The following CREBRF variants were observed in gnomAD, a reference collection of about 807,000 sequenced individuals.
The protein encoded by CREBRF is CREB3 regulatory factor, also known as UPF0474 protein C5orf41.
CREBRF carries 5 observed loss-of-function variants against 66.1 expected under a neutral mutation model. The observed-to-expected ratio is 0.08, with a 90% CI of 0.04 to 0.16. The LOEUF is 0.16. CREBRF is among the 10% of genes least tolerant of loss of function. The pLI, the probability that CREBRF is intolerant of heterozygous loss-of-function variation, is 1.00. For synonymous variants in CREBRF, 229 were observed against 264.4 expected, an observed-to-expected ratio of 0.87 and a Z score of 1.30; for missense variants, 531 against 744.9, an observed-to-expected ratio of 0.71 and a Z score of 3.34.
At chr5:173,102,268 T>A (rs1016632056) in intron 4 of CREBRF, among the ~76,000 whole-genome samples, 1 of 152,232 alleles carries the variant, frequency 6.6e-6, no homozygotes, top group Non-Finnish European at 1.5e-5. Flanking sequence ...GCTAGTGTCA[T>A]TTGTCCCTGA....
At chr5:173,084,452 T>C (rs1758065034) in intron 2 of CREBRF, among the ~76,000 whole-genome samples, 1 of 152,016 alleles carries the variant, frequency 6.6e-6, no homozygotes, top group Non-Finnish European at 1.5e-5. Context: ...CAAATAATAA[T>C]AAAGTTTTAA....
intron 7 of CREBRF, among the ~76,000 whole-genome samples, chr5:173,118,341 A>G (rs913959150): frequency 1.1e-4 from 16 of 152,126 alleles, no homozygotes; most frequent in Admixed American, 2.0e-4. Flanking sequence ...AAGATCAAAC[A>G]TTTTTAATTT....
rs1047469393 is a variant in CREBRF at position 173,092,423 on chromosome 5, A to G, written c.1222+1022A>G. The G allele has an allele frequency of 7.1e-6, 7 of 985,438 alleles. No individual in the cohort carries two copies. In the South Asian group the frequency reaches 2.8e-4, roughly 40 times the overall value. 61.0% of individuals were successfully genotyped at this position (985,438 alleles called of 1,614,324 possible). On this transcript the variant is annotated intron_variant, in intron 4 of 8. Transcript: ENST00000296953. ...GGAACTGGTTCACTTTAGCATTTACATGCTTGGGCTTTTGGCGCTGTTGGC... is the reference window on the plus strand; with the variant it reads ...GGAACTGGTTCACTTTAGCATTTACGTGCTTGGGCTTTTGGCGCTGTTGGC...
chr5:173,117,579 C>CTCCTTCCT (rs1186370279), intron 7 of CREBRF, among the ~76,000 whole-genome samples: 3 of 39,634 alleles, frequency 7.6e-5, no homozygotes, highest in Non-Finnish European at 1.3e-4. Context: ...CCCTCCCTCC[C>CTCCTTCCT]TCCTTCCTTC....
chr5:173,094,514 G>A (rs901109330), intron 4 of CREBRF, among the ~76,000 whole-genome samples: 2 of 152,048 alleles, frequency 1.3e-5, no homozygotes, highest in African/African-American at 2.4e-5. Flanking sequence ...TGTGGCTTTC[G>A]TTTGTATTTC....
intron 4 of CREBRF, among the ~76,000 whole-genome samples, chr5:173,100,098 G>GTA (rs1758583874): frequency 7.7e-6 from 1 of 129,046 alleles, no homozygotes; most frequent in African/African-American, 3.2e-5. Flanking sequence ...GTGTGTGTGT[G>GTA]TGTGTGTGTG....
chr5:173,064,022 A>G (rs1274042097), intron 1 of CREBRF, among the ~76,000 whole-genome samples: 1 of 152,100 alleles, frequency 6.6e-6, no homozygotes, highest in African/African-American at 2.4e-5. Context: ...GCACTGGCCT[A>G]AAGTTTTTTT....
chr5:173,108,677 C>A lies in CREBRF; in HGVS notation c.1276C>A (p.Arg426=). 6.2e-7 allele frequency: 1 copy of A among 1,613,296 alleles called. No homozygotes were observed. The highest frequency in any genetic ancestry group is 8.5e-7 in the Non-Finnish European group (1 of 1,179,764). The change falls in exon 5 of 9, where the codon CGG becomes AGG. Residue 426 remains arginine, a synonymous_variant. Coordinates refer to ENST00000296953, the MANE Select transcript of CREBRF (RefSeq NM_153607.3). ...DLKEVTSISS[R]KRGKRRYFWE... ...GAAGGAGGTGACTTCAATATCTTCA[C>A]GGAAGAGAGGTAAAAGAAGATACTT...
At position 173,090,897 on chromosome 5, in the gene CREBRF, G is replaced by T; in HGVS notation, c.718G>T (p.Val240Leu). The T allele has an allele frequency of 6.2e-7, 1 of 1,614,148 alleles. No homozygotes were observed. The highest frequency in any genetic ancestry group is 8.5e-7 in the Non-Finnish European group (1 of 1,180,042). ...ECKDYVKKAK[V>L]KINPVQQSRP... is the part of the protein sequence containing the mutation. ...TAAAGACTATGTAAAAAAGGCAAAG[G>T]TAAAGATCAACCCAGTGCAACAGAG... The change falls in exon 4 of 9, where the codon GTA becomes TTA. Residue 240 changes from valine (V) to leucine (L), a missense_variant. Val to Leu is a conservative substitution (Grantham distance 32). Coordinates refer to ENST00000296953, the MANE Select transcript of CREBRF (RefSeq NM_153607.3). This position sits in a 1 kb window ranked among gnomAD's most constrained non-coding sequence, Gnocchi z 4.5.
intron 8 of CREBRF, among the ~76,000 whole-genome samples, chr5:173,125,578 A>G (rs545485540): frequency 1.3e-5 from 2 of 152,296 alleles, no homozygotes; most frequent in Admixed American, 6.5e-5. Context: ...ATTTAAAAAC[A>G]TGGCATCCGG....
chr5:173,083,341 T>C (rs1367672084), intron 2 of CREBRF, among the ~76,000 whole-genome samples: 11 of 152,230 alleles, frequency 7.2e-5, no homozygotes, highest in Admixed American at 6.5e-4. Flanking sequence ...GACTTGACTC[T>C]GGCGGGATTT....
chr5:173,070,965 T>C (rs1254738165), intron 1 of CREBRF, among the ~76,000 whole-genome samples: 1 of 152,074 alleles, frequency 6.6e-6, no homozygotes, highest in Non-Finnish European at 1.5e-5. Context: ...TGTAGTGAAA[T>C]AGATGTGAGA....
At chr5:173,112,156 C>A in intron 6 of CREBRF, 150 bp from the exon 7 acceptor site, 1 of 464,388 alleles carries the variant, frequency 2.2e-6, no homozygotes, top group South Asian at 5.1e-5. Context: ...ATAATCCCAG[C>A]ACTTTAGGAG....
At chr5:173,101,349 G>A (rs1758623459) in intron 4 of CREBRF, among the ~76,000 whole-genome samples, 1 of 152,052 alleles carries the variant, frequency 6.6e-6, no homozygotes, top group African/African-American at 2.4e-5. Flanking sequence ...GAGCCACCAT[G>A]CCCAGCCCAG....
At chr5:173,100,207 C>T (rs1758593714) in intron 4 of CREBRF, among the ~76,000 whole-genome samples, 1 of 145,364 alleles carries the variant, frequency 6.9e-6, no homozygotes, top group South Asian at 2.2e-4. Flanking sequence ...AACTCTTGAC[C>T]TCAAGTGATC....
chr5:173,082,112 C>T (rs927326743), intron 2 of CREBRF, among the ~76,000 whole-genome samples: 31 of 141,888 alleles, frequency 2.2e-4, no homozygotes, highest in Middle Eastern at 3.8e-3. Flanking sequence ...CTCCCGGGTT[C>T]ACGCCATTCT....
chr5:173,090,303 A>C lies in CREBRF; in HGVS notation c.136-12A>C, dbSNP rs1758289299. On this transcript the variant is annotated splice_polypyrimidine_tract_variant and intron_variant, in intron 3 of 8. Transcript: ENST00000296953. The surrounding 1 kb of genome is among the most constrained non-coding windows in gnomAD (Gnocchi z 4.5). ...ATATGATGTGCAATTTCTTTTTTAAAACCTTTCTCAGGATAGAGAGATGAA... is the reference window on the plus strand; with the variant it reads ...ATATGATGTGCAATTTCTTTTTTAACACCTTTCTCAGGATAGAGAGATGAA... 6.4e-7 allele frequency: 1 copy of C among 1,561,890 alleles called. No homozygotes were observed. The highest frequency in any genetic ancestry group is 8.7e-7 in the Non-Finnish European group (1 of 1,149,116).
At chr5:173,127,753 T>C (rs1375221552) in intron 8 of CREBRF, among the ~76,000 whole-genome samples, 6 of 152,178 alleles carry the variant, frequency 3.9e-5, no homozygotes, top group Non-Finnish European at 7.3e-5. Context: ...CCACTGCGCC[T>C]GGCCTGAGTT....
chr5:173,114,364 T>A (rs1359174289), intron 7 of CREBRF, among the ~76,000 whole-genome samples: 1 of 152,190 alleles, frequency 6.6e-6, no homozygotes, highest in Non-Finnish European at 1.5e-5. Flanking sequence ...TGTGGAACAC[T>A]TATTATCCAT....
Sources: gnomAD v4.1 joint callset for allele counts (sites outside exome capture counted in the v4.1 genomes callset) on GRCh38, gnomAD v4.1.1 for gene constraint, Gnocchi (gnomAD v3.1) non-coding constraint, MANE v1.5 for transcripts, NCBI Gene and HGNC (gene_info 2026-07-23, HGNC 2026-07-21) for gene names.